The following VPS13B variants were observed in gnomAD, a reference collection of about 807,000 sequenced individuals.
The protein encoded by VPS13B is vacuolar protein sorting 13 homolog B.
VPS13B carries 285 observed loss-of-function variants against 426.4 expected under a neutral mutation model. The observed-to-expected ratio is 0.67, with a 90% CI of 0.61 to 0.74. The LOEUF is 0.74. Ranked by LOEUF, VPS13B falls within the 30% of genes least tolerant of loss-of-function variation. The pLI is 0.00. For missense variants in VPS13B, 4,537 were observed against 4,782.6 expected, an observed-to-expected ratio of 0.95 and a Z score of 1.51; for synonymous variants, 1,676 against 1,676.4, an observed-to-expected ratio of 1.00 and a Z score of 0.01.
At chr8:99,347,633 T>A (rs967027535) in intron 19 of VPS13B, 1 of 152,302 alleles carries the variant, frequency 6.6e-6, no homozygotes, top group African/African-American at 2.4e-5. Context: ...TAGCTTGAGA[T>A]TGTGCCTGTC....
At chr8:99,292,701 AT>A (rs1038559281) in intron 19 of VPS13B, among the ~76,000 whole-genome samples, 1 of 152,170 alleles carries the variant, frequency 6.6e-6, no homozygotes, top group Non-Finnish European at 1.5e-5. Flanking sequence ...TTTAGATATC[AT>A]AAAAAATAAT....
intron 3 of VPS13B, among the ~76,000 whole-genome samples, chr8:99,081,467 C>G (rs898983994): frequency 6.6e-6 from 1 of 152,008 alleles, no homozygotes; most frequent in East Asian, 1.9e-4. Flanking sequence ...GGTACACGTG[C>G]ACAACGTGCA....
chr8:99,234,256 A>G (rs1456230795), intron 17 of VPS13B: 2 of 769,992 alleles, frequency 2.6e-6, no homozygotes, highest in Admixed American at 1.7e-5. Context: ...CCCTTGTTGC[A>G]TATGTGACAT....
intron 17 of VPS13B, among the ~76,000 whole-genome samples, chr8:99,248,399 T>A (rs1817330684): frequency 6.6e-6 from 1 of 152,202 alleles, no homozygotes; most frequent in Non-Finnish European, 1.5e-5. Flanking sequence ...CTAAATACAT[T>A]TCTTGGTAGT....
intron 17 of VPS13B, among the ~76,000 whole-genome samples, chr8:99,264,260 C>T (rs1436069526): frequency 4.6e-5 from 7 of 151,340 alleles, no homozygotes. Context: ...GTTCCCTAGG[C>T]CTACTGTAGA....
intron 19 of VPS13B, among the ~76,000 whole-genome samples, chr8:99,360,192 C>T (rs182911011): frequency 0.064 from 2,122 of 33,298 alleles, 94 homozygotes; most frequent in African/African-American, 0.11. Flanking sequence ...CTTTCTTTCT[C>T]TCTCTCTCTC....
At chr8:99,060,769 G>T (rs181475145) in intron 3 of VPS13B, among the ~76,000 whole-genome samples, 1 of 151,882 alleles carries the variant, frequency 6.6e-6, no homozygotes, top group African/African-American at 2.4e-5. Flanking sequence ...GTTCTTGTTT[G>T]CCATAAGTGA....
chr8:99,140,865 T>A (rs1269691455), intron 12 of VPS13B, among the ~76,000 whole-genome samples: 3 of 152,196 alleles, frequency 2.0e-5, no homozygotes, highest in Non-Finnish European at 4.4e-5. Flanking sequence ...TACTTTTTTT[T>A]ATGGTACTTG....
chr8:99,225,124 T>C (rs1424555011), intron 17 of VPS13B, among the ~76,000 whole-genome samples: 2 of 152,218 alleles, frequency 1.3e-5, no homozygotes, highest in Non-Finnish European at 2.9e-5. Flanking sequence ...AATCTCTTTC[T>C]CCTGTGTTGC....
At chr8:99,805,673 C>T (rs10087831) in intron 43 of VPS13B, among the ~76,000 whole-genome samples, 3,053 of 152,244 alleles carry the variant, frequency 0.02, 52 homozygotes, top group African/African-American at 0.044. Context: ...TGGCTGCCAG[C>T]GCAGCTCTGG....
chr8:99,362,967 G>A (rs1663934027), intron 19 of VPS13B, among the ~76,000 whole-genome samples: 1 of 152,158 alleles, frequency 6.6e-6, no homozygotes. Flanking sequence ...TCTGTGTGTT[G>A]TTTCTTCACT....
intron 17 of VPS13B, among the ~76,000 whole-genome samples, chr8:99,212,934 A>G (rs1461791455): frequency 1.3e-5 from 2 of 152,046 alleles, no homozygotes; most frequent in Non-Finnish European, 2.9e-5. Context: ...GTTTTCATAT[A>G]CCCCCAAAAT....
At chr8:99,634,967 A>G (rs1198003900) in intron 33 of VPS13B, among the ~76,000 whole-genome samples, 1 of 151,920 alleles carries the variant, frequency 6.6e-6, no homozygotes, top group African/African-American at 2.4e-5. Flanking sequence ...AAATTAATAC[A>G]ATTTTCTATT....
At chr8:99,667,510 T>C (rs543744844) in intron 35 of VPS13B, among the ~76,000 whole-genome samples, 1 of 152,288 alleles carries the variant, frequency 6.6e-6, no homozygotes, top group Admixed American at 6.5e-5. Context: ...GTACTTTTTT[T>C]ATTTGAGAGA....
At chr8:99,842,961 C>T (rs564546828) in intron 54 of VPS13B, among the ~76,000 whole-genome samples, 11 of 152,094 alleles carry the variant, frequency 7.2e-5, no homozygotes, top group Admixed American at 1.3e-4. Context: ...GAGACCAGCA[C>T]GGGCAACATG....
chr8:99,212,959 A>T (rs955393119), intron 17 of VPS13B, among the ~76,000 whole-genome samples: 2 of 152,234 alleles, frequency 1.3e-5, no homozygotes, highest in South Asian at 2.1e-4. Flanking sequence ...TTCTTTCTTT[A>T]GGATTAGTCT....
At chr8:99,467,375 T>A in intron 23 of VPS13B, 39 bp from the exon 24 acceptor site, 3 of 1,576,014 alleles carry the variant, frequency 1.9e-6, no homozygotes, top group Non-Finnish European at 2.6e-6. Flanking sequence ...TGTCTTTTTG[T>A]TTGTGTGCTT....
chr8:99,694,940 T>G lies in VPS13B; in HGVS notation c.6047-4585T>G, dbSNP rs1423983700. On this transcript the variant is annotated intron_variant, in intron 35 of 61. Transcript: ENST00000357162. ...GACACTTATGCAGCCAAAAAACACA[T>G]GAAAAAATGCTCATCATCACTGGCC... Among the ~76,000 whole-genome samples the G allele has an allele frequency of 2.0e-5, 3 of 151,416 alleles. No homozygotes were observed. In the East Asian group the frequency reaches 5.8e-4, roughly 29 times the overall value.
At chr8:99,267,705 G>A (rs892985961) in intron 17 of VPS13B, among the ~76,000 whole-genome samples, 24 of 149,984 alleles carry the variant, frequency 1.6e-4, no homozygotes, top group South Asian at 1.1e-3. Flanking sequence ...CCAGCCTGGC[G>A]ACAGAGTGAG....
Sources: allele counts gnomAD v4.1 joint callset (sites outside exome capture counted in the v4.1 genomes callset), GRCh38; gene constraint gnomAD v4.1.1; transcripts MANE v1.5; gene names NCBI Gene and HGNC (gene_info 2026-07-23, HGNC 2026-07-21).